Variants in SLC6A3 observed in about 807,000 individuals in gnomAD.
SLC6A3 encodes the protein sodium-dependent dopamine transporter.
A neutral mutation model predicts 70.4 loss-of-function variants in SLC6A3; 19 were observed. The observed-to-expected ratio is 0.27, with a 90% CI of 0.19 to 0.40. The LOEUF (loss-of-function observed/expected upper bound fraction) is 0.40, where lower values mean the gene tolerates loss of function less well. Ranked by LOEUF, SLC6A3 falls within the 10% of genes least tolerant of loss-of-function variation. The probability of loss-of-function intolerance (pLI) is 1.00; values close to 1 mark genes in which losing one functional copy is unlikely to be tolerated. For missense variants in SLC6A3, 613 were observed against 838.5 expected, an observed-to-expected ratio of 0.73 and a Z score of 3.32; for synonymous variants, 368 against 356.6, an observed-to-expected ratio of 1.03 and a Z score of -0.36.
chr5:1,441,157 C>G (rs1247545901), intron 3 of SLC6A3, among the ~76,000 whole-genome samples: 3 of 152,238 alleles, frequency 2.0e-5, no homozygotes, highest in Non-Finnish European at 1.5e-5. Flanking sequence ...AGGACCCTCA[C>G]CTAGAGCAAG....
chr5:1,414,949 G>A, intron 7 of SLC6A3, 134 bp from the exon 8 acceptor site: 1 of 1,106,008 alleles, frequency 9.0e-7, no homozygotes, highest in Non-Finnish European at 1.3e-6. Context: ...TTCCCAGTGA[G>A]CACGGCCAGC....
At chr5:1,395,325 G>A (rs190465951) in intron 14 of SLC6A3, among the ~76,000 whole-genome samples, 1 of 152,374 alleles carries the variant, frequency 6.6e-6, no homozygotes, top group East Asian at 1.9e-4. Context: ...AAATGTCATC[G>A]CCTGCTATTA....
Position 1,409,098 on chromosome 5 carries a change from C to T in SLC6A3, c.1426G>A (p.Asp476Asn). The change falls in exon 11 of 15, where the codon GAC (aspartate) becomes AAC (asparagine). Residue 476 changes from aspartate to asparagine, a missense_variant. Physicochemically the swap from Asp to Asn is conservative, Grantham distance 23. Transcript: ENST00000270349. ...NGGIYVFTLL[D>N]HFAAGTSILF... ...ATGGACGTGCCGGCTGCAAAATGGT[C>T]CAGGAGCGTGAAGACGTAGATGCCA... The T allele has an allele frequency of 6.2e-7, 1 of 1,612,526 alleles. No individual in the cohort carries two copies. Among genetic ancestry groups the T allele is most frequent in the Non-Finnish European group, 8.5e-7 (1 of 1,179,588 alleles).
intron 14 of SLC6A3, among the ~76,000 whole-genome samples, chr5:1,400,466 C>T (rs1706473981): frequency 6.6e-6 from 1 of 152,148 alleles, no homozygotes; most frequent in Non-Finnish European, 1.5e-5. Context: ...CGAAGCCAGC[C>T]CCAGGCTCCC....
chr5:1,443,300 G>A lies in SLC6A3; in HGVS notation c.-45-58C>T, dbSNP rs2126416270. 8.2e-6 allele frequency: 11 copies of A among 1,340,440 alleles called. No homozygotes were observed. In the East Asian group the frequency reaches 1.1e-4, roughly 14 times the overall value. The allele number at this position is 1,340,440 out of a possible 1,614,324, so 83.0% of individuals were successfully genotyped here. Reference sequence around the variant, plus strand: ...GGAACGCAACAATTCAGCAGCCAGGGCTAGGGACATACCTGGTGCGGAGGG... The same window carrying A: ...GGAACGCAACAATTCAGCAGCCAGGACTAGGGACATACCTGGTGCGGAGGG... On this transcript the variant is annotated intron_variant, in intron 1 of 14. Transcript: ENST00000270349.
intron 6 of SLC6A3, among the ~76,000 whole-genome samples, chr5:1,418,577 TATCATCCATCCATCCACCCATCC>T (rs945204066): frequency 1.6e-4 from 24 of 152,032 alleles, no homozygotes; most frequent in African/African-American, 2.9e-4. Context: ...TCTACCTACC[TATCATCCATCCATCCACCCATCC>T]ATCATCCATC....
intron 6 of SLC6A3, among the ~76,000 whole-genome samples, chr5:1,418,457 CATCT>C (rs761297266): frequency 1.4e-4 from 21 of 152,326 alleles, no homozygotes; most frequent in African/African-American, 2.6e-4. Context: ...ACCAATCTAT[CATCT>C]ATCTGTCATC....
rs1221585835 is a variant in SLC6A3 at position 1,422,087 on chromosome 5, C to T, written c.654-73G>A. 3.3e-6 allele frequency: 5 copies of T among 1,511,978 alleles called. No homozygotes were observed. In the African/African-American group the frequency reaches 4.1e-5, roughly 12 times the overall value. 93.7% of individuals were successfully genotyped at this position (1,511,978 alleles called of 1,614,324 possible). Reference sequence around the variant, plus strand: ...CCTGGAACTGGACGGCTGAGCTTGTCCGGGGACCTGCCCTCCCCATCTCAG... The same window carrying T: ...CCTGGAACTGGACGGCTGAGCTTGTTCGGGGACCTGCCCTCCCCATCTCAG... On this transcript the variant is annotated intron_variant, in intron 4 of 14. Coordinates refer to ENST00000270349, the MANE Select transcript of SLC6A3 (RefSeq NM_001044.5).
At chr5:1,399,581 G>T (rs1356501977) in intron 14 of SLC6A3, among the ~76,000 whole-genome samples, 1 of 152,198 alleles carries the variant, frequency 6.6e-6, no homozygotes, top group Non-Finnish European at 1.5e-5. Flanking sequence ...AGACCCCCAG[G>T]TATAGGACTC....
At chr5:1,416,366 G>GA in intron 6 of SLC6A3, 165 bp from the exon 7 acceptor site, 1 of 678,828 alleles carries the variant, frequency 1.5e-6, no homozygotes, top group South Asian at 1.6e-5. Flanking sequence ...GCAGCCTCAG[G>GA]AAGTGAACCC....
intron 3 of SLC6A3, among the ~76,000 whole-genome samples, chr5:1,433,072 T>C (rs942617947): frequency 6.6e-6 from 1 of 151,888 alleles, no homozygotes; most frequent in African/African-American, 2.4e-5. Context: ...CAGCCACATA[T>C]GGTCATCCAT....
intron 4 of SLC6A3, among the ~76,000 whole-genome samples, chr5:1,428,375 T>G (rs1423813281): frequency 6.6e-6 from 1 of 152,204 alleles, no homozygotes; most frequent in Admixed American, 6.5e-5. Context: ...TAGCTTTAAT[T>G]TATAACTTTA....
intron 3 of SLC6A3, among the ~76,000 whole-genome samples, chr5:1,439,143 C>T (rs767764901): frequency 1.8e-4 from 28 of 152,148 alleles, no homozygotes; most frequent in Non-Finnish European, 2.9e-4. Flanking sequence ...CTGGGTCTTC[C>T]GTTGGCTGCT....
At position 1,406,125 on chromosome 5, in the gene SLC6A3, G is replaced by C; in HGVS notation, c.1599+63C>G. 1 of 1,224,942 alleles carries C rather than the reference G, an allele frequency of 8.2e-7. No individual in the cohort carries two copies. Among genetic ancestry groups the C allele is most frequent in the South Asian group, 1.2e-5 (1 of 83,524 alleles). 75.9% of individuals were successfully genotyped at this position (1,224,942 alleles called of 1,614,324 possible). A position where few individuals can be genotyped will look rare whatever the true frequency, so the allele number is the denominator to read the frequency against. On this transcript the variant is annotated intron_variant, in intron 12 of 14. Transcript: ENST00000270349. The surrounding 1 kb of genome is among the most constrained non-coding windows in gnomAD (Gnocchi z 8.8). ...CCACATGCGGGCGCTGGACCTCGGG[G>C]CAGGTGCCAGAGTGGGGGCAGTGGG...
intron 10 of SLC6A3, among the ~76,000 whole-genome samples, chr5:1,409,497 G>T (rs1208257687): frequency 1.3e-5 from 2 of 152,134 alleles, no homozygotes; most frequent in Non-Finnish European, 2.9e-5. Flanking sequence ...TCAGCCTGGG[G>T]TGCTTCTGGG....
chr5:1,409,288 C>CA (rs1756058209), intron 10 of SLC6A3, among the ~76,000 whole-genome samples, 163 bp from the exon 11 acceptor site: 1 of 152,140 alleles, frequency 6.6e-6, no homozygotes, highest in Non-Finnish European at 1.5e-5. Flanking sequence ...ACGTGTATTA[C>CA]AAAAAATAAA....
In SLC6A3 at chr5:1,414,797, G is replaced by A. The variant is rs777700658; in HGVS notation, c.1050C>T (p.Thr350=). 8 of 1,612,972 alleles carry A rather than the reference G, an allele frequency of 5.0e-6. No individual in the cohort carries two copies. In the Admixed American group the frequency reaches 1.3e-4, roughly 27 times the overall value. ...AGAAGCTCGTCAGGGAGTTGATGGA[G>A]GTGGTGACAATCGCGTCCCTGTAAG... ...NNCYRDAIVT[T]SINSLTSFSS... Residue 350 remains threonine (T), a synonymous_variant, in exon 8 of 15, where the codon ACC becomes ACT. Transcript: ENST00000270349.
chr5:1,399,743 G>A (rs1755800445), intron 14 of SLC6A3, among the ~76,000 whole-genome samples: 1 of 152,218 alleles, frequency 6.6e-6, no homozygotes, highest in South Asian at 2.1e-4. Flanking sequence ...TGCCAACGGA[G>A]GGAGGCAGAG....
rs367952238 is a variant in SLC6A3, at chr5:1,411,252, G to A, written c.1260C>T (p.Ile420=). 9.0e-6 allele frequency: 14 copies of A among 1,549,936 alleles called. No homozygotes were observed. The African/African-American group carries it at 1.1e-4, about 12-fold the overall frequency. The change falls in exon 9 of 15, where the codon ATC becomes ATT. Residue 420 remains isoleucine, a synonymous_variant. Transcript: ENST00000270349. The surrounding 1 kb of genome is among the most constrained non-coding windows in gnomAD (Gnocchi z 6.5). ...GGTGCGGGTTACTCACGGCGCTGTCGATACCCAGGGTGAGCAGCATGATGA... is the reference window on the plus strand; with the variant it reads ...GGTGCGGGTTACTCACGGCGCTGTCAATACCCAGGGTGAGCAGCATGATGA... ...VFFIMLLTLG[I]DSAMGGMESV...
Sources: gnomAD v4.1 joint callset for allele counts (sites outside exome capture counted in the v4.1 genomes callset) on GRCh38, gnomAD v4.1.1 for gene constraint, Gnocchi (gnomAD v3.1) non-coding constraint, MANE v1.5 for transcripts, NCBI Gene and HGNC (gene_info 2026-07-23, HGNC 2026-07-21) for gene names.